ZNF831: variants seen among roughly 807,000 people sequenced by gnomAD.
ZNF831 encodes zinc finger protein 831.
ZNF831 carries 59 observed loss-of-function variants against 95.8 expected under a neutral mutation model. That is an observed-to-expected ratio of 0.62 (90% CI 0.50 to 0.77). The LOEUF is 0.77. Among genes scored for constraint, ZNF831 ranks in the 30% least tolerant of loss-of-function variants. The pLI is 0.00. For synonymous variants in ZNF831, 961 were observed against 925.5 expected (o/e 1.04, Z -0.70); for missense variants, 2,205 against 2,164.0 (o/e 1.02, Z -0.38).
chr20:59,124,189 G>A (rs1285981439), intron 1 of ZNF831, among the ~76,000 whole-genome samples: 2 of 152,090 alleles, frequency 1.3e-5, no homozygotes, highest in Non-Finnish European at 2.9e-5. Flanking sequence ...GGTTCTGAAC[G>A]GGAGGAGGAC....
chr20:59,232,362 G>C (rs1160300706), intron 4 of ZNF831, among the ~76,000 whole-genome samples: 1 of 152,126 alleles, frequency 6.6e-6, no homozygotes, highest in African/African-American at 2.4e-5. Context: ...AGTGAGAATA[G>C]TGGAGCAGAG....
chr20:59,131,600 C>T (rs148235352), intron 1 of ZNF831, among the ~76,000 whole-genome samples: 1 of 152,230 alleles, frequency 6.6e-6, no homozygotes, highest in Non-Finnish European at 1.5e-5. Context: ...ACTCTACAGA[C>T]CCCAGCCCCG....
rs1328516880 is a variant in ZNF831 at position 59,208,404 on chromosome 20, T to A, written c.4027+1348T>A. Reference sequence around the variant, plus strand: ...GCCAGGGGACCATGCAACTCTCTGCTTTCTCGTTGGGCCGTCCTGTGACAG... The same window carrying A: ...GCCAGGGGACCATGCAACTCTCTGCATTCTCGTTGGGCCGTCCTGTGACAG... On this transcript the variant is annotated intron_variant, in intron 4 of 5. Transcript: ENST00000371030. This position sits in a 1 kb window ranked among gnomAD's most constrained non-coding sequence, Gnocchi z 4.2. 6.6e-6 allele frequency among the ~76,000 whole-genome samples: 1 copy of A among 152,140 alleles called. No individual in the cohort carries two copies. The highest frequency in any genetic ancestry group is 1.5e-5 in the Non-Finnish European group (1 of 68,014).
intron 1 of ZNF831, among the ~76,000 whole-genome samples, chr20:59,186,173 G>C (rs940521442): frequency 1.4e-4 from 21 of 152,338 alleles, no homozygotes; most frequent in African/African-American, 4.8e-4. Flanking sequence ...GTGGGGACTT[G>C]CTGGACATTT....
upstream of ZNF831, chr20:59,159,902 A>T (rs1243795016): frequency 6.6e-6 from 1 of 152,444 alleles, no homozygotes; most frequent in Non-Finnish European, 1.5e-5. Context: ...CTGGTGCGTA[A>T]GTCTGTGGTC....
At chr20:59,222,682 C>T (rs978755433) in intron 4 of ZNF831, among the ~76,000 whole-genome samples, 9 of 152,174 alleles carry the variant, frequency 5.9e-5, no homozygotes, top group South Asian at 4.1e-4. Context: ...TCCGCGGGGG[C>T]CCCCTAGCGC....
At position 59,258,548 on chromosome 20, in the gene ZNF831, A is replaced by G. The variant is rs1391124591; in HGVS notation, c.*3805A>G. On this transcript the variant is annotated 3_prime_UTR_variant, in exon 6 of 6. Transcript: ENST00000371030. Reference sequence around the variant, plus strand: ...GCTGCTGCTCAACTCCCCAGACATAATTTAATATGGTGAGGAGAATATGAC... The same window carrying G: ...GCTGCTGCTCAACTCCCCAGACATAGTTTAATATGGTGAGGAGAATATGAC... The G allele has an allele frequency of 6.6e-6, 1 of 152,538 alleles. No individual in the cohort carries two copies. Among genetic ancestry groups the G allele is most frequent in the African/African-American group, 2.4e-5 (1 of 41,434 alleles). The allele number at this position is 152,538 out of a possible 1,614,324, so 9.4% of individuals were successfully genotyped here.
Position 59,148,447 on chromosome 20 carries a change from C to T in ZNF831, c.-1281+2073C>T, listed in dbSNP as rs534506917. The stretch of plus-strand genomic sequence containing the variant: ...CTGTAATCCCAGCACTTTGGGAGGC[C>T]GAGACGGGCAGATCACGAGGTCAGG... On this transcript the variant is annotated intron_variant, in intron 2 of 7. Transcript: ENST00000637017. 1.2e-3 allele frequency among the ~76,000 whole-genome samples: 141 copies of T among 116,788 alleles called. 14 individuals carry two copies. Among genetic ancestry groups the T allele is most frequent in the African/African-American group, 4.6e-3 (134 of 29,152 alleles). The allele number at this position is 116,788 out of a possible 152,430, so 76.6% of individuals were successfully genotyped here. A position where few individuals can be genotyped will look rare whatever the true frequency, so the allele number is the denominator to read the frequency against.
intron 4 of ZNF831, among the ~76,000 whole-genome samples, chr20:59,215,706 T>C (rs1568775050): frequency 6.6e-6 from 1 of 152,212 alleles, no homozygotes; most frequent in Admixed American, 6.5e-5. Context: ...TTCAGAACTT[T>C]TGTTGCATCT....
intron 4 of ZNF831, among the ~76,000 whole-genome samples, chr20:59,226,374 C>T (rs571853299): frequency 1.3e-5 from 2 of 152,046 alleles, no homozygotes; most frequent in Non-Finnish European, 2.9e-5. Context: ...CTGTCTAGAA[C>T]CCCTCTCCAC....
chr20:59,226,300 C>T (rs1986427696), intron 4 of ZNF831, among the ~76,000 whole-genome samples: 1 of 152,122 alleles, frequency 6.6e-6, no homozygotes, highest in African/African-American at 2.4e-5. Flanking sequence ...GTTGCTTGGC[C>T]AGCAAGCTGC....
Position 59,192,686 on chromosome 20 carries a change from G to A in ZNF831, c.1667G>A (p.Gly556Glu), listed in dbSNP as rs2146569801. Residue 556 changes from glycine to glutamate, a missense_variant, in exon 2 of 6, where the codon GGG becomes GAG. Physicochemically the swap from Gly to Glu is moderately conservative, Grantham distance 98. Coordinates refer to ENST00000371030, the MANE Select transcript of ZNF831 (RefSeq NM_178457.3). The surrounding 1 kb of genome is among the most constrained non-coding windows in gnomAD (Gnocchi z 5.2). ...SGLSSTDVPSGHPRALVRQAA... is the reference protein window; with the variant it reads ...SGLSSTDVPSEHPRALVRQAA... ...CTAAGCTCGACTGACGTTCCCAGTG[G>A]GCATCCCCGGGCCCTGGTCAGACAG... 2 of 1,567,114 alleles carry A rather than the reference G, an allele frequency of 1.3e-6. No homozygotes were observed. Among genetic ancestry groups the A allele is most frequent in the Non-Finnish European group, 8.6e-7 (1 of 1,158,732 alleles).
intron 4 of ZNF831, among the ~76,000 whole-genome samples, chr20:59,212,007 GA>G (rs1230108853): frequency 2.0e-5 from 3 of 152,154 alleles, no homozygotes; most frequent in Non-Finnish European, 4.4e-5. Context: ...TAAAGGCAGA[GA>G]AAAACTTTAG....
At chr20:59,127,809 C>T (rs16982468) in intron 1 of ZNF831, among the ~76,000 whole-genome samples, 3,069 of 152,294 alleles carry the variant, frequency 0.02, 89 homozygotes, top group African/African-American at 0.068. Context: ...TATGCCTGCC[C>T]GTGGAACTTT....
intron 4 of ZNF831, among the ~76,000 whole-genome samples, chr20:59,240,152 T>C (rs1987244043): frequency 7.1e-6 from 1 of 140,268 alleles, no homozygotes; most frequent in African/African-American, 2.6e-5. Context: ...AGCTGCTGTC[T>C]ATCCTCTGTG....
intron 2 of ZNF831, among the ~76,000 whole-genome samples, chr20:59,148,414 G>GGT: frequency 1.4e-5 from 2 of 148,024 alleles, no homozygotes; most frequent in Non-Finnish European, 3.0e-5. Context: ...GGGCGCGGTG[G>GGT]CTCACGCCTG....
Position 59,254,751 on chromosome 20 carries a change from A to C in ZNF831, c.*8A>C. 1 of 1,556,862 alleles carries C rather than the reference A, an allele frequency of 6.4e-7. No individual in the cohort carries two copies. The highest frequency in any genetic ancestry group is 8.6e-7 in the Non-Finnish European group (1 of 1,156,386). On this transcript the variant is annotated 3_prime_UTR_variant, in exon 6 of 6. Transcript: ENST00000371030. The surrounding 1 kb of genome is among the most constrained non-coding windows in gnomAD (Gnocchi z 4.5). ...TTAGTTATAGAAATATGAAGCTTCC[A>C]GAGAAACATGGTGTCTGGTCAAAAA...
At chr20:59,140,555 C>T (rs979159907) in intron 1 of ZNF831, among the ~76,000 whole-genome samples, 1 of 152,144 alleles carries the variant, frequency 6.6e-6, no homozygotes, top group African/African-American at 2.4e-5. Flanking sequence ...CAGGAAGTTG[C>T]AAAAATAGTA....
At chr20:59,186,022 A>T (rs1317376562) in intron 1 of ZNF831, among the ~76,000 whole-genome samples, 1 of 152,202 alleles carries the variant, frequency 6.6e-6, no homozygotes, top group African/African-American at 2.4e-5. Context: ...TACCCCGTGC[A>T]TTCATGCGTG....
Sources: allele counts gnomAD v4.1 joint callset (sites outside exome capture counted in the v4.1 genomes callset), GRCh38; gene constraint gnomAD v4.1.1; non-coding constraint Gnocchi (gnomAD v3.1); transcripts MANE v1.5; gene names NCBI Gene and HGNC (gene_info 2026-07-23, HGNC 2026-07-21).